Variants in GABRB1 observed in about 807,000 individuals in gnomAD.
GABRB1 encodes gamma-aminobutyric acid receptor subunit beta-1.
A neutral mutation model predicts 51.6 loss-of-function variants in GABRB1; 17 were observed. The observed-to-expected ratio is 0.33, with a 90% confidence interval of 0.23 to 0.49. The LOEUF (loss-of-function observed/expected upper bound fraction) is 0.49. Among genes scored for constraint, GABRB1 ranks in the 20% least tolerant of loss-of-function variants. The pLI is 0.99. For missense variants in GABRB1, 410 were observed against 600.6 expected, an observed-to-expected ratio of 0.68 and a Z score of 3.32; for synonymous variants, 247 against 218.9, an observed-to-expected ratio of 1.13 and a Z score of -1.14.
intron 4 of GABRB1, among the ~76,000 whole-genome samples, chr4:47,226,699 A>G (rs916958233): frequency 3.3e-5 from 5 of 152,314 alleles, no homozygotes; most frequent in African/African-American, 1.2e-4. Flanking sequence ...GGGCAAAAGA[A>G]AACCTATAAA....
chr4:47,127,990 T>C (rs1055085077), intron 3 of GABRB1, among the ~76,000 whole-genome samples: 3 of 151,664 alleles, frequency 2.0e-5, no homozygotes, highest in Non-Finnish European at 4.4e-5. Context: ...CAATTAGCAC[T>C]AAGACAAATT....
intron 5 of GABRB1, among the ~76,000 whole-genome samples, chr4:47,364,713 A>G (rs1726919309): frequency 1.3e-5 from 2 of 152,044 alleles, no homozygotes; most frequent in Admixed American, 6.5e-5. Context: ...AGAGAGATAA[A>G]AAGCTGGAAA....
At chr4:47,322,583 A>C (rs1287038524) in intron 5 of GABRB1, among the ~76,000 whole-genome samples, 3 of 152,196 alleles carry the variant, frequency 2.0e-5, no homozygotes, top group Non-Finnish European at 2.9e-5. Context: ...CACAGGGCAA[A>C]AAAAGTAATG....
intron 3 of GABRB1, among the ~76,000 whole-genome samples, chr4:47,042,906 A>G (rs1285937458): frequency 1.3e-5 from 2 of 151,960 alleles, no homozygotes; most frequent in African/African-American, 2.4e-5. Context: ...TTGCTGCTAC[A>G]TGATCTGTTT....
chr4:47,220,701 A>G (rs941982662), intron 4 of GABRB1, among the ~76,000 whole-genome samples: 2 of 151,932 alleles, frequency 1.3e-5, no homozygotes, highest in Non-Finnish European at 2.9e-5. Flanking sequence ...GCACACTTCT[A>G]TCTCTCACTC....
intron 3 of GABRB1, among the ~76,000 whole-genome samples, chr4:47,035,647 C>T (rs62303743): frequency 0.21 from 31,222 of 152,066 alleles, 4,206 homozygotes; most frequent in Middle Eastern, 0.36. Flanking sequence ...CACAGACACA[C>T]ACACACATAC....
At chr4:47,402,364 T>G (rs79298360) in intron 5 of GABRB1, among the ~76,000 whole-genome samples, 1,708 of 152,338 alleles carry the variant, frequency 0.011, 35 homozygotes, top group African/African-American at 0.039. Flanking sequence ...AAAAAGATTT[T>G]TTGCTTTTTT....
At chr4:47,264,939 A>C (rs1722591390) in intron 4 of GABRB1, among the ~76,000 whole-genome samples, 1 of 152,244 alleles carries the variant, frequency 6.6e-6, no homozygotes, top group South Asian at 2.1e-4. Flanking sequence ...GTTTCTCCTT[A>C]GACACAATAA....
intron 3 of GABRB1, among the ~76,000 whole-genome samples, chr4:47,063,812 A>G (rs918033761): frequency 3.3e-5 from 5 of 152,076 alleles, no homozygotes; most frequent in South Asian, 2.1e-4. Context: ...ACGTGCCCTC[A>G]CTTATAAGTG....
At chr4:47,160,504 A>G (rs1165103426) in intron 3 of GABRB1, among the ~76,000 whole-genome samples, 3 of 152,092 alleles carry the variant, frequency 2.0e-5, no homozygotes, top group Non-Finnish European at 4.4e-5. Context: ...GGTGTGAAAA[A>G]CACCCTTTCC....
chr4:47,045,330 G>A (rs1017158449), intron 3 of GABRB1, among the ~76,000 whole-genome samples: 1 of 151,990 alleles, frequency 6.6e-6, no homozygotes, highest in Non-Finnish European at 1.5e-5. Flanking sequence ...TTTCTTCTTA[G>A]GTTATCGAAG....
chr4:47,347,911 A>T (rs993095676), intron 5 of GABRB1, among the ~76,000 whole-genome samples: 1 of 152,212 alleles, frequency 6.6e-6, no homozygotes, highest in Non-Finnish European at 1.5e-5. Context: ...ATTAGCATGC[A>T]TTCATAATAG....
chr4:47,033,698 G>A (rs1725434831), intron 3 of GABRB1, among the ~76,000 whole-genome samples: 2 of 151,960 alleles, frequency 1.3e-5, no homozygotes, highest in African/African-American at 4.8e-5. Flanking sequence ...TGTTAGGGTC[G>A]AAATAAATAT....
intron 3 of GABRB1, among the ~76,000 whole-genome samples, chr4:47,086,123 T>G (rs1728047053): frequency 6.6e-6 from 1 of 152,246 alleles, no homozygotes; most frequent in Non-Finnish European, 1.5e-5. Context: ...TCCCTGATTT[T>G]AAATACCATG....
In GABRB1 at chr4:47,032,015, C is replaced by G. The variant is rs1315538390; in HGVS notation, c.172+10C>G. 6.4e-7 allele frequency: 1 copy of G among 1,572,366 alleles called. No individual in the cohort carries two copies. Among genetic ancestry groups the G allele is most frequent in the Non-Finnish European group, 8.7e-7 (1 of 1,155,542 alleles). ...CGGCCGGACTTCGGAGGTAACGCTT[C>G]ATCTTTTTTCAACCTGTAACCCATC... On this transcript the variant is annotated intron_variant, in intron 2 of 8. Transcript: ENST00000295454.
chr4:47,341,009 A>G (rs1172721636), intron 5 of GABRB1, among the ~76,000 whole-genome samples: 1 of 152,200 alleles, frequency 6.6e-6, no homozygotes, highest in Non-Finnish European at 1.5e-5. Flanking sequence ...ACTTAAATCA[A>G]TCACTCAACT....
At chr4:47,329,234 C>T (rs1418886303) in intron 5 of GABRB1, among the ~76,000 whole-genome samples, 1 of 151,866 alleles carries the variant, frequency 6.6e-6, no homozygotes, top group Non-Finnish European at 1.5e-5. Context: ...GAAGGCATAG[C>T]AGACATTCTG....
At chr4:47,381,855 T>C (rs1727610105) in intron 5 of GABRB1, among the ~76,000 whole-genome samples, 1 of 152,222 alleles carries the variant, frequency 6.6e-6, no homozygotes, top group Admixed American at 6.5e-5. Context: ...TAAACATGCT[T>C]CTATCTTACT....
At chr4:47,001,287 C>A (rs1052214877) in intron 1 of GABRB1, among the ~76,000 whole-genome samples, 1 of 151,848 alleles carries the variant, frequency 6.6e-6, no homozygotes, top group African/African-American at 2.4e-5. Flanking sequence ...GGACTACAGG[C>A]GCCCCCCACC....
Sources: gnomAD v4.1 joint callset for allele counts (sites outside exome capture counted in the v4.1 genomes callset) on GRCh38, gnomAD v4.1.1 for gene constraint, MANE v1.5 for transcripts, NCBI Gene and HGNC (gene_info 2026-07-23, HGNC 2026-07-21) for gene names.